Variants in SLC4A9 observed in about 807,000 individuals in gnomAD.
SLC4A9 encodes the protein anion exchange protein 4.
A neutral mutation model predicts 103.2 loss-of-function variants in SLC4A9; 102 were observed. The ratio of observed to expected loss-of-function variants is 0.99; its 90% CI spans 0.84 to 1.17. The LOEUF is 1.17. SLC4A9 is among the 50% of genes most tolerant of loss of function. The probability of loss-of-function intolerance (pLI) is 0.00; values close to 1 mark genes in which losing one functional copy is unlikely to be tolerated. For missense variants in SLC4A9, 1,091 were observed against 1,193.7 expected, an observed-to-expected ratio of 0.91 and a Z score of 1.27; for synonymous variants, 453 against 483.6, an observed-to-expected ratio of 0.94 and a Z score of 0.83.
Position 140,362,953 on chromosome 5 carries a change from CCTT to C in SLC4A9, c.852_854del (p.Leu285del). 6.2e-7 allele frequency: 1 copy of C among 1,613,880 alleles called. No homozygotes were observed. The highest frequency in any genetic ancestry group is 8.5e-7 in the Non-Finnish European group (1 of 1,179,858). On this transcript the variant is annotated inframe_deletion, in exon 7 of 22. Transcript: ENST00000506757. ...TTCGTCGGGCCAGCAACCTTCATGA[CCTT>C]CTGGCAGCCCTGGATGCATTCCTAG...
intron 11 of SLC4A9, among the ~76,000 whole-genome samples, chr5:140,364,864 A>G (rs561627247): frequency 6.6e-6 from 1 of 152,350 alleles, no homozygotes; most frequent in East Asian, 1.9e-4. Context: ...TCTGTGGGTG[A>G]ATGGGCTTCC....
At position 140,364,259 on chromosome 5, in the gene SLC4A9, G is replaced by C. The variant is rs1767559929; in HGVS notation, c.1388+72G>C. 6 of 1,579,960 alleles carry C rather than the reference G, an allele frequency of 3.8e-6. No individual in the cohort carries two copies. In the South Asian group the frequency reaches 7.0e-5, roughly 19 times the overall value. On this transcript the variant is annotated intron_variant, in intron 10 of 21. Transcript: ENST00000506757. ...AGCCTGCTCCTGGCTGGGTGAATAG[G>C]AGAGAGTGGGAGCTATCTGTTTGGG... is the stretch of plus-strand genomic sequence containing the variant.
chr5:140,365,533 A>T lies in SLC4A9; in HGVS notation c.1665A>T (p.Gln555His), dbSNP rs371345508. Residue 555 changes from glutamine to histidine, a missense_variant, in exon 12 of 22, where the codon CAA becomes CAT. Physicochemically the swap from Gln to His is conservative, Grantham distance 24. Transcript: ENST00000506757. ...QYPGPGGNES[Q>H]WIRTRPKDRD... ...TCTGCTTCCCAGGAAATGAGTCTCA[A>T]TGGATAAGGACAAGGCCAAAAGACA... 3.1e-6 allele frequency: 5 copies of T among 1,611,138 alleles called. No homozygotes were observed. The African/African-American group carries it at 6.7e-5, about 22-fold the overall frequency.
rs756730727 is a variant in SLC4A9 at position 140,365,866 on chromosome 5, G to C, written c.1743G>C (p.Pro581=). Residue 581 remains proline, a synonymous_variant, in exon 13 of 22, where the codon CCG becomes CCC. Coordinates refer to ENST00000506757, the MANE Select transcript of SLC4A9 (RefSeq NM_031467.3). ...GCCTGATCAATGCATCCTTGCTGCC[G>C]CCACCTGAGTGCACCCGGCAGGGAG... ...DLGLINASLL[P]PPECTRQGGH... 3 of 1,613,648 alleles carry C rather than the reference G, an allele frequency of 1.9e-6. No individual in the cohort carries two copies. The highest frequency in any genetic ancestry group is 1.3e-5 in the African/African-American group (1 of 74,914).
In SLC4A9 at chr5:140,367,495, C is replaced by T; in HGVS notation, c.2089C>T (p.Leu697=). ...CTGGTGGTGGAGTGTGGCAGCTGCC[C>T]TGCCTGCCCTGCTGCTGTCTATCCT... ...NPWWWSVAAA[L]PALLLSILIF... is the part of the protein sequence containing the mutation. Residue 697 remains leucine, a synonymous_variant, in exon 15 of 22, where the codon CTG becomes TTG. Coordinates refer to ENST00000506757, the MANE Select transcript of SLC4A9 (RefSeq NM_031467.3). 2 of 1,605,326 alleles carry T rather than the reference C, an allele frequency of 1.2e-6. No individual in the cohort carries two copies. Among genetic ancestry groups the T allele is most frequent in the Non-Finnish European group, 8.5e-7 (1 of 1,176,402 alleles).
intron 19 of SLC4A9, 55 bp downstream of exon 19, chr5:140,371,679 C>T: frequency 6.3e-7 from 1 of 1,589,632 alleles, no homozygotes; most frequent in Non-Finnish European, 8.6e-7. Context: ...GACTCTGAGC[C>T]TGGAAGGGTG....
intron 16 of SLC4A9, 28 bp downstream of exon 16, chr5:140,367,926 AAG>A (rs1470838212): frequency 2.5e-6 from 4 of 1,611,872 alleles, no homozygotes; most frequent in Non-Finnish European, 3.4e-6. Flanking sequence ...GAAGTGGAGT[AAG>A]AGGTGGGCAG....
intron 5 of SLC4A9, 48 bp downstream of exon 5, chr5:140,362,222 G>A: frequency 6.8e-7 from 1 of 1,471,954 alleles, no homozygotes; most frequent in South Asian, 1.4e-5. Flanking sequence ...AACCTAGAAG[G>A]GTCTTTACTG....
At chr5:140,372,622 A>T in intron 20 of SLC4A9, 123 bp from the exon 21 acceptor site, 1 of 1,443,370 alleles carries the variant, frequency 6.9e-7, no homozygotes, top group Non-Finnish European at 9.1e-7. Context: ...GCTTCAGCTC[A>T]AGTGGGCTGT....
intron 6 of SLC4A9, 39 bp from the exon 7 acceptor site, chr5:140,362,873 G>C (rs1178690595): frequency 1.2e-6 from 2 of 1,613,656 alleles, no homozygotes; most frequent in Non-Finnish European, 1.7e-6. Flanking sequence ...TAAGAGACCA[G>C]GTTTGCACTT....
At chr5:140,373,211 C>T (rs1027535475) in intron 21 of SLC4A9, among the ~76,000 whole-genome samples, 2 of 152,160 alleles carry the variant, frequency 1.3e-5, no homozygotes, top group African/African-American at 4.8e-5. Context: ...AGGCTCCCCC[C>T]TTAGGCTGCT....
chr5:140,360,201 A>G lies in SLC4A9; in HGVS notation c.-36A>G, dbSNP rs917946120. On this transcript the variant is annotated 5_prime_UTR_variant, in exon 1 of 22. Coordinates refer to ENST00000506757, the MANE Select transcript of SLC4A9 (RefSeq NM_031467.3). ...CAGAGGGCCCCTGGCTTCAGAACCT[A>G]GGACTGTACTGGTTCTGAGATTCTG... is the stretch of plus-strand genomic sequence containing the variant. The G allele has an allele frequency of 6.4e-7, 1 of 1,564,810 alleles. No homozygotes were observed. Among genetic ancestry groups the G allele is most frequent in the Non-Finnish European group, 8.7e-7 (1 of 1,145,112 alleles).
rs1561568852 is a variant in SLC4A9, at chr5:140,360,994, GA to G, written c.391+24del. The stretch of plus-strand genomic sequence containing the variant: ...GTGGGTAGGCTGGGATCCTTTGCAG[GA>G]AGGGCCTGGGTAGCCATGCCTTTTC... On this transcript the variant is annotated intron_variant, in intron 2 of 21. Coordinates refer to ENST00000506757, the MANE Select transcript of SLC4A9 (RefSeq NM_031467.3). 4 of 1,544,474 alleles carry G rather than the reference GA, an allele frequency of 2.6e-6. No individual in the cohort carries two copies. In the East Asian group the frequency reaches 7.2e-5, roughly 28 times the overall value.
In SLC4A9 at chr5:140,367,467, C is replaced by T. The variant is rs937998414; in HGVS notation, c.2061C>T (p.Asn687=). The change falls in exon 15 of 22, where the codon AAC becomes AAT. Residue 687 remains asparagine (N), a synonymous_variant. Transcript: ENST00000506757. ...GGCTGGTGTCACCTTTTGGAGCCAA[C>T]CCCTGGTGGTGGAGTGTGGCAGCTG... ...RGWLVSPFGA[N]PWWWSVAAAL... 3 of 1,609,534 alleles carry T rather than the reference C, an allele frequency of 1.9e-6. No homozygotes were observed. Among genetic ancestry groups the T allele is most frequent in the Non-Finnish European group, 2.5e-6 (3 of 1,178,244 alleles).
Position 140,362,942 on chromosome 5 carries a change from A to G in SLC4A9, c.838A>G (p.Asn280Asp), listed in dbSNP as rs1414869691. The G allele has an allele frequency of 4.3e-6, 7 of 1,613,932 alleles. No individual in the cohort carries two copies. The South Asian group carries it at 6.6e-5, about 15-fold the overall frequency. Residue 280 changes from asparagine to aspartate, a missense_variant, in exon 7 of 22, where the codon AAC becomes GAC. By Grantham distance (23) the Asn-to-Asp change is conservative. Coordinates refer to ENST00000506757, the MANE Select transcript of SLC4A9 (RefSeq NM_031467.3). Reference sequence around the variant, plus strand: ...CCAGTGGTCAGTTCGTCGGGCCAGCAACCTTCATGACCTTCTGGCAGCCCT... The same window carrying G: ...CCAGTGGTCAGTTCGTCGGGCCAGCGACCTTCATGACCTTCTGGCAGCCCT... ...QFQWSVRRASNLHDLLAALDA... is the reference protein window; with the variant it reads ...QFQWSVRRASDLHDLLAALDA...
At chr5:140,365,763 G>A in intron 12 of SLC4A9, 71 bp from the exon 13 acceptor site, 2 of 1,530,914 alleles carry the variant, frequency 1.3e-6, no homozygotes, top group Non-Finnish European at 1.8e-6. Flanking sequence ...CTCCTCCCTT[G>A]AAGTTGGTCC....
intron 16 of SLC4A9, 90 bp from the exon 17 acceptor site, chr5:140,368,497 G>A (rs1456427536): frequency 2.9e-5 from 31 of 1,059,114 alleles, no homozygotes; most frequent in East Asian, 5.1e-5. Context: ...TCTTGCTGCC[G>A]GGGTCTGTAC....
chr5:140,360,856 G>A lies in SLC4A9; in HGVS notation c.275G>A (p.Trp92Ter), dbSNP rs1766965128. 6.2e-7 allele frequency: 1 copy of A among 1,613,110 alleles called. No homozygotes were observed. Among genetic ancestry groups the A allele is most frequent in the South Asian group, 1.1e-5 (1 of 90,972 alleles). Residue 92 changes from tryptophan to a stop codon, truncating the protein, a stop_gained, in exon 2 of 22, where the codon TGG (tryptophan) becomes TAG (stop). Transcript: ENST00000506757. LOFTEE classifies it high-confidence loss of function. ...AAGTTGGAGGTGGCTGCAGGCCGGT[G>A]GAGTGCCCCCCACGTGCCCACCCTG... ...EEKLEVAAGR[W>*]SAPHVPTLAL...
chr5:140,372,244 G>T lies in SLC4A9; in HGVS notation c.2673G>T (p.Leu891Phe). 1 of 1,553,178 alleles carries T rather than the reference G, an allele frequency of 6.4e-7. No homozygotes were observed. The highest frequency in any genetic ancestry group is 2.3e-5 in the Admixed American group (1 of 43,006). ...GGGCCATGTTTCTATTCCTGCAGTT[G>T]CTGGGCCTTGTGGGGGTCCGAAAGG... ...TPAAIIFPLM[L>F]LGLVGVRKAL... is the part of the protein sequence containing the mutation. Residue 891 changes from leucine to phenylalanine, a missense_variant and splice_region_variant, in exon 20 of 22, where the codon TTG becomes TTT. Physicochemically the swap from Leu to Phe is conservative, Grantham distance 22. Transcript: ENST00000506757.
Sources: allele counts gnomAD v4.1 joint callset (sites outside exome capture counted in the v4.1 genomes callset), GRCh38; gene constraint gnomAD v4.1.1; transcripts MANE v1.5; gene names NCBI Gene and HGNC (gene_info 2026-07-23, HGNC 2026-07-21).